Variants in GPM6A observed in about 807,000 individuals in gnomAD.
GPM6A encodes glycoprotein M6A.
GPM6A carries 7 observed loss-of-function variants against 32.1 expected under a neutral mutation model. The ratio of observed to expected loss-of-function variants is 0.22; its 90% CI spans 0.12 to 0.41. The LOEUF is 0.41. Among genes scored for constraint, GPM6A ranks in the 10% least tolerant of loss-of-function variants. The pLI is 1.00. For synonymous variants in GPM6A, 130 were observed against 123.4 expected (o/e 1.05, Z -0.35); for missense variants, 235 against 347.2 (o/e 0.68, Z 2.57).
chr4:175,981,790 T>TA (rs1256173554), intron 1 of GPM6A, among the ~76,000 whole-genome samples: 1 of 152,126 alleles, frequency 6.6e-6, no homozygotes, highest in African/African-American at 2.4e-5. Flanking sequence ...TTTGATTTTA[T>TA]AAAAAACAGC....
rs563321545 is a variant in GPM6A, at chr4:175,730,632, G to T, written c.38-28865C>A. Among the ~76,000 whole-genome samples the T allele has an allele frequency of 2.6e-5, 4 of 151,686 alleles. No individual in the cohort carries two copies. In the East Asian group the frequency reaches 7.8e-4, roughly 29 times the overall value. ...ACTACAGGCGCCCGCCACCACGCGC[G>T]GCTAATTTTTTTTATATTTTTAGTA... On this transcript the variant is annotated intron_variant, in intron 1 of 6. Coordinates refer to ENST00000393658, the MANE Select transcript of GPM6A (RefSeq NM_201591.3).
intron 1 of GPM6A, among the ~76,000 whole-genome samples, chr4:175,902,812 G>A (rs1015687649): frequency 6.6e-6 from 1 of 151,948 alleles, no homozygotes; most frequent in Admixed American, 6.6e-5. Context: ...TTAACGTCAC[G>A]CTGGTGTGTC....
chr4:175,892,604 G>A (rs552822207), intron 1 of GPM6A, among the ~76,000 whole-genome samples: 5 of 152,104 alleles, frequency 3.3e-5, no homozygotes, highest in African/African-American at 1.2e-4. Flanking sequence ...TTTCCACTAC[G>A]GCTCTTTCAT....
At chr4:175,859,722 T>C (rs1389047544) in intron 1 of GPM6A, among the ~76,000 whole-genome samples, 1 of 152,094 alleles carries the variant, frequency 6.6e-6, no homozygotes, top group African/African-American at 2.4e-5. Context: ...GTGACAAGAA[T>C]ACAGATGAAG....
intron 1 of GPM6A, among the ~76,000 whole-genome samples, chr4:175,989,595 A>G (rs1034396852): frequency 6.6e-6 from 1 of 152,214 alleles, no homozygotes; most frequent in African/African-American, 2.4e-5. Context: ...TCCTGCAATT[A>G]CCAACACTTA....
intron 1 of GPM6A, among the ~76,000 whole-genome samples, chr4:175,839,182 A>C (rs986960360): frequency 6.6e-6 from 1 of 152,196 alleles, no homozygotes; most frequent in African/African-American, 2.4e-5. Context: ...AAAAAGAAGA[A>C]TTTGACTCAA....
intron 1 of GPM6A, among the ~76,000 whole-genome samples, chr4:175,993,698 T>C (rs1282950685): frequency 6.6e-6 from 1 of 152,190 alleles, no homozygotes; most frequent in African/African-American, 2.4e-5. Context: ...ATGATAAGAG[T>C]ATTTGTTGGT....
At chr4:175,897,147 G>A (rs1025192213) in intron 1 of GPM6A, among the ~76,000 whole-genome samples, 10 of 152,110 alleles carry the variant, frequency 6.6e-5, no homozygotes, top group African/African-American at 2.4e-4. Flanking sequence ...CTCGGGATTA[G>A]GAAATGTAGG....
At chr4:175,816,771 A>G (rs1735112865), upstream of GPM6A, among the ~76,000 whole-genome samples, 3 of 152,212 alleles carry the variant, frequency 2.0e-5, no homozygotes, top group African/African-American at 7.2e-5. Context: ...GGATCTTCTT[A>G]TATTTTGACA....
chr4:175,775,790 G>A (rs1485119096), intron 1 of GPM6A, among the ~76,000 whole-genome samples: 1 of 151,998 alleles, frequency 6.6e-6, no homozygotes, highest in Non-Finnish European at 1.5e-5. Flanking sequence ...TTTCAGATAA[G>A]CCAATTAAAT....
chr4:175,799,962 C>T (rs1175634325), intron 1 of GPM6A, among the ~76,000 whole-genome samples: 1 of 150,852 alleles, frequency 6.6e-6, no homozygotes, highest in Admixed American at 6.6e-5. Context: ...GGATACAATT[C>T]AGATATTTTT....
At chr4:175,917,279 T>G (rs1295282559) in intron 1 of GPM6A, among the ~76,000 whole-genome samples, 1 of 152,116 alleles carries the variant, frequency 6.6e-6, no homozygotes, top group African/African-American at 2.4e-5. Flanking sequence ...TTTTTAATCT[T>G]TAAGCATCCT....
rs894835714 is a variant in GPM6A at position 175,747,090 on chromosome 4, T to C, written c.38-45323A>G. Reference sequence around the variant, plus strand: ...GTCGAGACCATCCTGGCCAACATGGTGTAACCCTGTCTCTACTAAAAATGC... The same window carrying C: ...GTCGAGACCATCCTGGCCAACATGGCGTAACCCTGTCTCTACTAAAAATGC... On this transcript the variant is annotated intron_variant, in intron 1 of 6. Coordinates refer to ENST00000393658, the MANE Select transcript of GPM6A (RefSeq NM_201591.3). Among the ~76,000 whole-genome samples the C allele has an allele frequency of 4.6e-5, 7 of 152,048 alleles. No homozygotes were observed. In the East Asian group the frequency reaches 1.4e-3, roughly 30 times the overall value.
intron 1 of GPM6A, among the ~76,000 whole-genome samples, chr4:175,751,355 A>G (rs903432090): frequency 3.6e-4 from 55 of 152,158 alleles, no homozygotes; most frequent in Non-Finnish European, 7.4e-5. Context: ...ATTTTCTTAA[A>G]TTTCTCCTTA....
At chr4:175,983,998 C>A (rs1465421262) in intron 1 of GPM6A, among the ~76,000 whole-genome samples, 1 of 148,162 alleles carries the variant, frequency 6.7e-6, no homozygotes, top group Non-Finnish European at 1.5e-5. Context: ...CTGTCTCTCT[C>A]TCTCTCTCTC....
At chr4:175,912,655 A>G (rs1471964696) in intron 1 of GPM6A, among the ~76,000 whole-genome samples, 1 of 152,112 alleles carries the variant, frequency 6.6e-6, no homozygotes, top group Non-Finnish European at 1.5e-5. Flanking sequence ...ACTCCATCTC[A>G]AATACAACAA....
intron 1 of GPM6A, among the ~76,000 whole-genome samples, chr4:175,890,126 C>T (rs557520586): frequency 6.6e-6 from 1 of 152,262 alleles, no homozygotes; most frequent in South Asian, 2.1e-4. Flanking sequence ...ACTGCATACC[C>T]AGAAGACTGA....
chr4:175,722,527 G>T (rs1026432516), intron 1 of GPM6A, among the ~76,000 whole-genome samples: 6 of 152,028 alleles, frequency 3.9e-5, no homozygotes, highest in Non-Finnish European at 7.4e-5. Context: ...GCACCCTTTT[G>T]CAGCTTTCTT....
intron 1 of GPM6A, among the ~76,000 whole-genome samples, chr4:175,819,879 GAC>G (rs1228090077): frequency 6.7e-6 from 1 of 149,064 alleles, no homozygotes; most frequent in Non-Finnish European, 1.5e-5. Flanking sequence ...TGCTGTGAGA[GAC>G]ACACAAAAAA....
Sources: allele counts gnomAD v4.1 joint callset (sites outside exome capture counted in the v4.1 genomes callset), GRCh38; gene constraint gnomAD v4.1.1; transcripts MANE v1.5; gene names NCBI Gene and HGNC (gene_info 2026-07-23, HGNC 2026-07-21).